Variants in PTPRD observed in about 807,000 individuals in gnomAD.
The protein encoded by PTPRD is receptor-type tyrosine-protein phosphatase delta.
PTPRD carries 34 observed loss-of-function variants against 214.5 expected under a neutral mutation model. That is an observed-to-expected ratio of 0.16 (90% CI 0.12 to 0.21). The LOEUF (loss-of-function observed/expected upper bound fraction) is 0.21. Among genes scored for constraint, PTPRD ranks in the 10% least tolerant of loss-of-function variants. PTPRD has a pLI of 1.00. For missense variants in PTPRD, 2,545 were observed against 2,398.7 expected (o/e 1.06, Z -1.27); for synonymous variants, 1,128 against 845.7 (o/e 1.33, Z -5.79).
At chr9:9,106,698 A>G (rs2099799140) in intron 10 of PTPRD, among the ~76,000 whole-genome samples, 4 of 151,856 alleles carry the variant, frequency 2.6e-5, no homozygotes, top group Admixed American at 2.6e-4. Context: ...AGAATTTAAG[A>G]AATATTGAGC....
At chr9:9,734,309 C>T (rs754754779) in intron 7 of PTPRD, among the ~76,000 whole-genome samples, 1 of 151,992 alleles carries the variant, frequency 6.6e-6, no homozygotes, top group African/African-American at 2.4e-5. Context: ...TTCTTCTAAC[C>T]CATGAAGTTG....
intron 11 of PTPRD, among the ~76,000 whole-genome samples, chr9:9,001,088 G>C (rs1472979354): frequency 6.6e-6 from 1 of 151,970 alleles, no homozygotes; most frequent in Admixed American, 6.6e-5. Flanking sequence ...TGTGGAGAAA[G>C]GTAGGGGAAT....
intron 5 of PTPRD, among the ~76,000 whole-genome samples, chr9:9,789,572 CG>C (rs2098951662): frequency 6.6e-6 from 1 of 151,682 alleles, no homozygotes; most frequent in South Asian, 2.1e-4. Context: ...CCGAGGCGGG[CG>C]GATCAGGAGA....
At chr9:10,207,519 T>C (rs559041388) in intron 3 of PTPRD, among the ~76,000 whole-genome samples, 1 of 152,114 alleles carries the variant, frequency 6.6e-6, no homozygotes, top group South Asian at 2.1e-4. Context: ...TAATTCTTTC[T>C]AAAATATATA....
rs1183431818 is a variant in PTPRD, at chr9:8,314,994, TTTTTTTTACCATTG to T, written c.*2866_*2879del. The T allele has an allele frequency of 4.3e-6, 1 of 231,332 alleles. No homozygotes were observed. The highest frequency in any genetic ancestry group is 8.6e-6 in the Non-Finnish European group (1 of 116,620). 14.3% of individuals were successfully genotyped at this position (231,332 alleles called of 1,614,324 possible). ...ACAAATCACTTTTTATATATTTTGA[TTTTTTTTACCATTG>T]TAACTAATTACAAAATTATACATAA... is the stretch of plus-strand genomic sequence containing the variant. On this transcript the variant is annotated 3_prime_UTR_variant, in exon 46 of 46. Coordinates refer to ENST00000381196, the MANE Select transcript of PTPRD (RefSeq NM_002839.4).
rs529499017 is a variant in PTPRD at position 10,136,524 on chromosome 9, CCAAA to C, written c.-544-102738_-544-102735del. ...TAAATTCCAAAAAATAGAAATTATA[CCAAA>C]CAAACTTTTCAGACCAAAGTATGAT... On this transcript the variant is annotated intron_variant, in intron 3 of 45. Transcript: ENST00000381196. Among the ~76,000 whole-genome samples, 75 of 152,042 alleles carry C rather than the reference CCAAA, an allele frequency of 4.9e-4. 1 individual carries two copies. Among genetic ancestry groups the C allele is most frequent in the Non-Finnish European group, 9.3e-4 (63 of 67,992 alleles).
At chr9:9,717,806 T>C (rs1291914899) in intron 7 of PTPRD, among the ~76,000 whole-genome samples, 1 of 152,136 alleles carries the variant, frequency 6.6e-6, no homozygotes, top group East Asian at 1.9e-4. Context: ...CCTCCATTTA[T>C]AAAAATAATA....
intron 3 of PTPRD, among the ~76,000 whole-genome samples, chr9:10,262,249 A>C (rs2093746480): frequency 6.6e-6 from 1 of 152,190 alleles, no homozygotes; most frequent in South Asian, 2.1e-4. Flanking sequence ...CAATATTTTG[A>C]AAAAGGGACT....
chr9:9,016,265 A>C (rs895972395), intron 11 of PTPRD, among the ~76,000 whole-genome samples: 1 of 152,084 alleles, frequency 6.6e-6, no homozygotes. Flanking sequence ...TTTTCCCCCA[A>C]ATAGTTGCAC....
chr9:9,740,739 C>G (rs181503849), intron 6 of PTPRD, among the ~76,000 whole-genome samples: 1 of 152,138 alleles, frequency 6.6e-6, no homozygotes, highest in Admixed American at 6.5e-5. Flanking sequence ...ATTGTTTTTT[C>G]TCAATACAAT....
At chr9:8,349,272 G>C (rs1309176965) in intron 39 of PTPRD, among the ~76,000 whole-genome samples, 1 of 152,088 alleles carries the variant, frequency 6.6e-6, no homozygotes, top group Non-Finnish European at 1.5e-5. Flanking sequence ...TTTTCCTTAA[G>C]AAATTGAATG....
At chr9:8,493,309 T>C (rs1239657655) in intron 26 of PTPRD, among the ~76,000 whole-genome samples, 2 of 152,212 alleles carry the variant, frequency 1.3e-5, no homozygotes, top group Non-Finnish European at 2.9e-5. Context: ...TGTGCCTCCA[T>C]TTCCCATCTG....
chr9:9,080,891 C>A (rs1303907714), intron 10 of PTPRD, among the ~76,000 whole-genome samples: 2 of 151,670 alleles, frequency 1.3e-5, no homozygotes, highest in African/African-American at 4.8e-5. Flanking sequence ...TCTCTCTTTT[C>A]TTCTTTACTC....
chr9:8,929,779 G>GTATATATAT (rs1491379045), intron 11 of PTPRD, among the ~76,000 whole-genome samples: 1 of 55,750 alleles, frequency 1.8e-5, no homozygotes, highest in African/African-American at 8.2e-5. Context: ...GTATATATAT[G>GTATATATAT]GGTGTGTATA....
chr9:8,783,047 A>G (rs184674999), intron 11 of PTPRD, among the ~76,000 whole-genome samples: 1 of 152,128 alleles, frequency 6.6e-6, no homozygotes, highest in Non-Finnish European at 1.5e-5. Flanking sequence ...TCAAGACTCA[A>G]TTTCAGTTTT....
At chr9:9,807,185 G>C (rs114381628) in intron 5 of PTPRD, among the ~76,000 whole-genome samples, 2 of 152,104 alleles carry the variant, frequency 1.3e-5, no homozygotes, top group South Asian at 2.1e-4. Flanking sequence ...TTTCCATTGA[G>C]GAGGCAAGAA....
chr9:8,633,525 A>G, intron 13 of PTPRD, 67 bp from the exon 14 acceptor site: 1 of 1,559,940 alleles, frequency 6.4e-7, no homozygotes, highest in Non-Finnish European at 8.7e-7. Flanking sequence ...TAAAGCTCTC[A>G]ATACAGTGGT....
In PTPRD at chr9:8,528,723, C is replaced by T. The variant is rs773381863; in HGVS notation, c.409G>A (p.Val137Ile). 1 of 1,613,600 alleles carries T rather than the reference C, an allele frequency of 6.2e-7. No homozygotes were observed. Among genetic ancestry groups the T allele is most frequent in the Non-Finnish European group, 8.5e-7 (1 of 1,179,698 alleles). The change falls in exon 15 of 46, where the codon GTT (valine) becomes ATT (isoleucine). Residue 137 changes from valine to isoleucine, a missense_variant. Coordinates refer to ENST00000381196, the MANE Select transcript of PTPRD (RefSeq NM_002839.4). The stretch of plus-strand genomic sequence containing the variant: ...ATGGTGGCCGTGCGAGTACGCTCAA[C>T]CACCTTCAACTGTGGGCCCATGTCA... ...TIDMGPQLKV[V>I]ERTRTATMLC... is the part of the protein sequence containing the mutation.
intron 10 of PTPRD, among the ~76,000 whole-genome samples, chr9:9,093,995 T>G (rs921973954): frequency 6.6e-6 from 1 of 152,006 alleles, no homozygotes; most frequent in Non-Finnish European, 1.5e-5. Context: ...TCAATACAGA[T>G]ATTAAAAATG....
Sources: allele counts gnomAD v4.1 joint callset (sites outside exome capture counted in the v4.1 genomes callset), GRCh38; gene constraint gnomAD v4.1.1; transcripts MANE v1.5; gene names NCBI Gene and HGNC (gene_info 2026-07-23, HGNC 2026-07-21).